Variants in PLEKHA7 observed in about 807,000 individuals in gnomAD.
The protein encoded by PLEKHA7 is pleckstrin homology domain-containing family A member 7.
PLEKHA7 carries 104 observed loss-of-function variants against 170.0 expected under a neutral mutation model. The ratio of observed to expected loss-of-function variants is 0.61; its 90% CI spans 0.52 to 0.72. PLEKHA7 has a LOEUF of 0.72. PLEKHA7 is among the 30% of genes least tolerant of loss of function. The pLI, the probability that PLEKHA7 is intolerant of heterozygous loss-of-function variation, is 0.00. For synonymous variants in PLEKHA7, 648 were observed against 660.8 expected (o/e 0.98, Z 0.30); for missense variants, 1,615 against 1,671.7 (o/e 0.97, Z 0.59).
At chr11:16,981,690 GA>G (rs1219969834) in intron 3 of PLEKHA7, among the ~76,000 whole-genome samples, 3 of 152,138 alleles carry the variant, frequency 2.0e-5, no homozygotes, top group African/African-American at 7.2e-5. Flanking sequence ...GTTGCAAAGA[GA>G]AAAATGAAGG....
chr11:16,901,978 C>T (rs1305711646), intron 3 of PLEKHA7, among the ~76,000 whole-genome samples: 1 of 152,192 alleles, frequency 6.6e-6, no homozygotes, highest in Non-Finnish European at 1.5e-5. Context: ...AAATGGAAGT[C>T]CCATACTCTC....
chr11:16,918,831 G>T (rs1346474750), intron 3 of PLEKHA7, among the ~76,000 whole-genome samples: 1 of 152,066 alleles, frequency 6.6e-6, no homozygotes, highest in Non-Finnish European at 1.5e-5. Flanking sequence ...GCTGCCAAAT[G>T]ATGACTTTGA....
intron 10 of PLEKHA7, among the ~76,000 whole-genome samples, chr11:16,822,696 G>A (rs1425320055): frequency 6.6e-6 from 1 of 152,062 alleles, no homozygotes; most frequent in Non-Finnish European, 1.5e-5. Context: ...TAGGCTAGGG[G>A]TCCTCAGTGT....
In PLEKHA7 at chr11:16,803,216, T is replaced by C. The variant is rs769988841; in HGVS notation, c.2076+11A>G. On this transcript the variant is annotated intron_variant, in intron 14 of 26. Transcript: ENST00000531066. ...CAGCTGAGGGGTCAGCGTGTCACTCTGCTCACTCACGTCAGTGTCGCTCTC... is the reference window on the plus strand; with the variant it reads ...CAGCTGAGGGGTCAGCGTGTCACTCCGCTCACTCACGTCAGTGTCGCTCTC... 50 of 1,612,238 alleles carry C rather than the reference T, an allele frequency of 3.1e-5. 2 individuals are homozygous for C. The South Asian group carries it at 5.4e-4, about 17-fold the overall frequency.
At chr11:16,938,371 A>G (rs1860454354) in intron 3 of PLEKHA7, among the ~76,000 whole-genome samples, 1 of 152,090 alleles carries the variant, frequency 6.6e-6, no homozygotes, top group Admixed American at 6.6e-5. Flanking sequence ...TAGCCCCTTT[A>G]TCATGTATTT....
intron 8 of PLEKHA7, among the ~76,000 whole-genome samples, chr11:16,847,293 C>T (rs1259789155): frequency 5.9e-5 from 9 of 151,660 alleles, no homozygotes; most frequent in East Asian, 3.9e-4. Flanking sequence ...GGGGTTTCAC[C>T]GTGTTAGCCA....
intron 26 of PLEKHA7, 123 bp downstream of exon 26, chr11:16,782,631 G>C: frequency 1.6e-6 from 2 of 1,269,142 alleles, no homozygotes; most frequent in Non-Finnish European, 2.2e-6. Flanking sequence ...ACACACCACT[G>C]ACCCTCAACT....
intron 3 of PLEKHA7, among the ~76,000 whole-genome samples, chr11:16,931,760 C>T (rs1174357341): frequency 1.4e-4 from 21 of 145,768 alleles, no homozygotes; most frequent in African/African-American, 5.4e-4. Context: ...TTCCATCCCC[C>T]CCCCCCCAAA....
intron 3 of PLEKHA7, among the ~76,000 whole-genome samples, chr11:16,963,975 C>A (rs1862218883): frequency 6.6e-6 from 1 of 152,222 alleles, no homozygotes; most frequent in South Asian, 2.1e-4. Flanking sequence ...CCCCCGATTT[C>A]TCCCTTCCCT....
intron 17 of PLEKHA7, among the ~76,000 whole-genome samples, chr11:16,797,301 T>TG (rs1249383454): frequency 6.6e-6 from 1 of 152,084 alleles, no homozygotes; most frequent in Non-Finnish European, 1.5e-5. Context: ...TCCCACCCCA[T>TG]GGACTAAAAT....
At chr11:16,990,161 C>T (rs995142998) in intron 3 of PLEKHA7, among the ~76,000 whole-genome samples, 1 of 150,804 alleles carries the variant, frequency 6.6e-6, no homozygotes, top group Non-Finnish European at 1.5e-5. Context: ...TTAAAACATT[C>T]TCTCAAAAAA....
At chr11:16,967,339 C>T (rs1268930904) in intron 3 of PLEKHA7, among the ~76,000 whole-genome samples, 1 of 152,156 alleles carries the variant, frequency 6.6e-6, no homozygotes, top group East Asian at 1.9e-4. Context: ...CCAGCTAATC[C>T]ACACTCCCTA....
intron 6 of PLEKHA7, 70 bp downstream of exon 6, chr11:16,854,819 G>C: frequency 7.2e-7 from 1 of 1,383,900 alleles, no homozygotes. Flanking sequence ...CTAGCTTCCT[G>C]GTGCCTGGGA....
In PLEKHA7 at chr11:16,790,641, A is replaced by G. The variant is rs191567048; in HGVS notation, c.3052+157T>C. 8.6e-4 allele frequency: 561 copies of G among 653,254 alleles called. No individual in the cohort carries two copies. In the African/African-American group the frequency reaches 8.9e-3, roughly 10 times the overall value. 40.5% of individuals were successfully genotyped at this position (653,254 alleles called of 1,614,324 possible). A position where few individuals can be genotyped will look rare whatever the true frequency, so the allele number is the denominator to read the frequency against. On this transcript the variant is annotated intron_variant, in intron 21 of 26. Coordinates refer to ENST00000531066, the MANE Select transcript of PLEKHA7 (RefSeq NM_001329630.2). Reference sequence around the variant, plus strand: ...ATCAGGATGTGGGCCAGAGGAAGACAGGCCAGGTCCTCCCTCTTGGCATCC... The same window carrying G: ...ATCAGGATGTGGGCCAGAGGAAGACGGGCCAGGTCCTCCCTCTTGGCATCC...
chr11:16,979,591 T>C (rs974008645), intron 3 of PLEKHA7, among the ~76,000 whole-genome samples: 3 of 152,168 alleles, frequency 2.0e-5, no homozygotes, highest in African/African-American at 7.2e-5. Context: ...GAAACTAAAA[T>C]TTTCCATTCT....
intron 3 of PLEKHA7, among the ~76,000 whole-genome samples, chr11:16,976,513 A>G (rs1863075798): frequency 6.6e-6 from 1 of 152,246 alleles, no homozygotes. Flanking sequence ...TGACAAGCAC[A>G]GAGACGTAGC....
At chr11:16,926,586 AG>A (rs1407909785) in intron 3 of PLEKHA7, among the ~76,000 whole-genome samples, 1 of 152,228 alleles carries the variant, frequency 6.6e-6, no homozygotes, top group East Asian at 1.9e-4. Context: ...AGAATGCACC[AG>A]GGAGCCTTAA....
intron 3 of PLEKHA7, among the ~76,000 whole-genome samples, chr11:16,892,263 A>G (rs1420920447): frequency 6.6e-6 from 1 of 152,170 alleles, no homozygotes; most frequent in Non-Finnish European, 1.5e-5. Flanking sequence ...GGATATGGAG[A>G]TCCTGAGCAT....
chr11:16,954,839 C>T (rs911575201), intron 3 of PLEKHA7, among the ~76,000 whole-genome samples: 5 of 151,870 alleles, frequency 3.3e-5, no homozygotes, highest in South Asian at 2.1e-4. Flanking sequence ...TGCAGGCACC[C>T]GCCACCACAC....
Sources: gnomAD v4.1 joint callset for allele counts (sites outside exome capture counted in the v4.1 genomes callset) on GRCh38, gnomAD v4.1.1 for gene constraint, MANE v1.5 for transcripts, NCBI Gene and HGNC (gene_info 2026-07-23, HGNC 2026-07-21) for gene names.